TNK2: variants seen among roughly 807,000 people sequenced by gnomAD.
TNK2 encodes activated CDC42 kinase 1.
TNK2 carries 83 observed loss-of-function variants against 101.8 expected under a neutral mutation model. The ratio of observed to expected loss-of-function variants is 0.82; its 90% CI spans 0.68 to 0.98. The LOEUF (loss-of-function observed/expected upper bound fraction) is 0.98, where lower values mean the gene tolerates loss of function less well. TNK2 is among the 50% of genes least tolerant of loss of function. The pLI is 0.00. For synonymous variants in TNK2, 804 were observed against 633.0 expected, an observed-to-expected ratio of 1.27 and a Z score of -4.06; for missense variants, 1,665 against 1,483.2, an observed-to-expected ratio of 1.12 and a Z score of -2.01.
In TNK2 at chr3:195,885,896, G is replaced by A. The variant is rs1755391939; in HGVS notation, c.235-863C>T. 1 of 268,950 alleles carries A rather than the reference G, an allele frequency of 3.7e-6. No individual in the cohort carries two copies. Among genetic ancestry groups the A allele is most frequent in the Non-Finnish European group, 7.4e-6 (1 of 134,298 alleles). The allele number at this position is 268,950 out of a possible 1,614,324, so 16.7% of individuals were successfully genotyped here. ...AGCTGGTGGATCCTTATCCGTCTGG[G>A]CTAGGGTGCCTCAAATCTGAGGGCC... is the stretch of plus-strand genomic sequence containing the variant. On this transcript the variant is annotated intron_variant, in intron 3 of 15. Transcript: ENST00000672887. The surrounding 1 kb of genome is among the most constrained non-coding windows in gnomAD (Gnocchi z 4.7).
intron 1 of TNK2, among the ~76,000 whole-genome samples, chr3:195,907,414 T>C (rs1761846003): frequency 6.6e-6 from 1 of 152,132 alleles, no homozygotes; most frequent in Non-Finnish European, 1.5e-5. Context: ...GGGACAGGGG[T>C]CTGGGTCCAT....
At chr3:195,881,521 C>T (rs1359840446) in intron 6 of TNK2, among the ~76,000 whole-genome samples, 5 of 82,462 alleles carry the variant, frequency 6.1e-5, no homozygotes, top group South Asian at 1.1e-3. Flanking sequence ...GACACGGCAT[C>T]TATCCCTGTA....
Position 195,895,569 on chromosome 3 carries a change from G to A in TNK2, c.-18-6963C>T, listed in dbSNP as rs1760250698. ...GCTCCGTTCCTCCTCTCCGGGGCGC[G>A]GCTCCCACCCTCTCCCAGTGAGCCA... On this transcript the variant is annotated intron_variant, in intron 1 of 15. Coordinates refer to ENST00000672887, the MANE Select transcript of TNK2 (RefSeq NM_001382273.1). 27 of 1,322,526 alleles carry A rather than the reference G, an allele frequency of 2.0e-5. No individual in the cohort carries two copies. In the South Asian group the frequency reaches 3.6e-4, roughly 18 times the overall value. 81.9% of individuals were successfully genotyped at this position (1,322,526 alleles called of 1,614,324 possible). A position where few individuals can be genotyped will look rare whatever the true frequency, so the allele number is the denominator to read the frequency against.
intron 9 of TNK2, among the ~76,000 whole-genome samples, chr3:195,873,694 G>A (rs1464078341): frequency 6.6e-6 from 1 of 152,206 alleles, no homozygotes; most frequent in Non-Finnish European, 1.5e-5. Context: ...GACGGAGGAG[G>A]TGGCGACGCC....
At position 195,885,229 on chromosome 3, in the gene TNK2, G is replaced by T; in HGVS notation, c.235-196C>A. On this transcript the variant is annotated intron_variant, in intron 3 of 15. Coordinates refer to ENST00000672887, the MANE Select transcript of TNK2 (RefSeq NM_001382273.1). This position sits in a 1 kb window ranked among gnomAD's most constrained non-coding sequence, Gnocchi z 4.7. ...GCACACCCCCAAACATGAACCCAAA[G>T]CCTGATGCTGGCCTCAAGGAGGGTG... 1 of 1,022,870 alleles carries T rather than the reference G, an allele frequency of 9.8e-7. No individual in the cohort carries two copies. Among genetic ancestry groups the T allele is most frequent in the Non-Finnish European group, 1.4e-6 (1 of 721,984 alleles). The allele number at this position is 1,022,870 out of a possible 1,614,324, so 63.4% of individuals were successfully genotyped here. A position where few individuals can be genotyped will look rare whatever the true frequency, so the allele number is the denominator to read the frequency against.
chr3:195,887,496 T>C (rs146405223), intron 2 of TNK2, among the ~76,000 whole-genome samples: 75 of 152,370 alleles, frequency 4.9e-4, no homozygotes, highest in Admixed American at 2.5e-3. Context: ...TATTACCTAT[T>C]TAGCTATTTT....
Position 195,864,050 on chromosome 3 carries a change from C to T in TNK2, c.*131G>A. On this transcript the variant is annotated 3_prime_UTR_variant, in exon 16 of 16. Transcript: ENST00000672887. ...GCTCCCAGCCTCCCGCAGCCTTGGC[C>T]TTGCTCCATCCCCGGGAGCAGCAGG... The T allele has an allele frequency of 7.7e-7, 1 of 1,299,368 alleles. No homozygotes were observed. The highest frequency in any genetic ancestry group is 1.1e-6 in the Non-Finnish European group (1 of 912,724). The allele number at this position is 1,299,368 out of a possible 1,614,324, so 80.5% of individuals were successfully genotyped here. A position where few individuals can be genotyped will look rare whatever the true frequency, so the allele number is the denominator to read the frequency against.
intron 15 of TNK2, 125 bp downstream of exon 15, chr3:195,866,764 A>G (rs1184283575): frequency 7.2e-7 from 1 of 1,381,458 alleles, no homozygotes; most frequent in Non-Finnish European, 9.7e-7. Flanking sequence ...TCCCTCCCGC[A>G]GCTGGAGAGC....
rs1286095275 is a variant in TNK2, at chr3:195,869,552, G to C, written c.1544-11C>G. On this transcript the variant is annotated splice_polypyrimidine_tract_variant and intron_variant, in intron 11 of 15. Coordinates refer to ENST00000672887, the MANE Select transcript of TNK2 (RefSeq NM_001382273.1). The stretch of plus-strand genomic sequence containing the variant: ...GAGGTGGAGGCTCCCCTGCAAGAAA[G>C]GCCATGCGGACAGGGGGAGAGAGAC... 23 of 1,551,162 alleles carry C rather than the reference G, an allele frequency of 1.5e-5. No homozygotes were observed. Among genetic ancestry groups the C allele is most frequent in the Non-Finnish European group, 1.9e-5 (22 of 1,146,962 alleles).
intron 10 of TNK2, among the ~76,000 whole-genome samples, chr3:195,872,000 G>A (rs1056106416): frequency 1.5e-5 from 2 of 131,728 alleles, no homozygotes; most frequent in African/African-American, 3.1e-5. Context: ...ACCCTCCCCT[G>A]GAGAACATTC....
intron 9 of TNK2, among the ~76,000 whole-genome samples, chr3:195,875,702 G>A (rs891785773): frequency 2.0e-5 from 3 of 152,312 alleles, no homozygotes; most frequent in African/African-American, 7.2e-5. Flanking sequence ...GTGGCCATGG[G>A]AGGGCCAGGG....
intron 1 of TNK2, among the ~76,000 whole-genome samples, chr3:195,907,016 G>T (rs1296870123): frequency 6.6e-6 from 1 of 152,092 alleles, no homozygotes; most frequent in African/African-American, 2.4e-5. Flanking sequence ...GTTGCCCAAG[G>T]AAGTTACACA....
At chr3:195,903,610 A>G (rs1761449351) in intron 1 of TNK2, among the ~76,000 whole-genome samples, 1 of 152,046 alleles carries the variant, frequency 6.6e-6, no homozygotes, top group South Asian at 2.1e-4. Flanking sequence ...CCAGCTGCTC[A>G]GGAGGCTGAG....
chr3:195,902,865 T>C (rs1761357318), intron 1 of TNK2, among the ~76,000 whole-genome samples: 1 of 151,720 alleles, frequency 6.6e-6, no homozygotes. Context: ...TTCTTGTGCC[T>C]CGGCCTCCCA....
At chr3:195,889,457 C>T (rs892428128) in intron 1 of TNK2, among the ~76,000 whole-genome samples, 5 of 152,122 alleles carry the variant, frequency 3.3e-5, no homozygotes, top group African/African-American at 1.2e-4. Flanking sequence ...CACAGCCACC[C>T]GGCTCCCCAG....
chr3:195,863,990 G>A lies in TNK2; in HGVS notation c.*191C>T, dbSNP rs960026659. The A allele has an allele frequency of 8.9e-6, 6 of 673,068 alleles. No individual in the cohort carries two copies. Among genetic ancestry groups the A allele is most frequent in the Admixed American group, 8.2e-5 (3 of 36,732 alleles). 41.7% of individuals were successfully genotyped at this position (673,068 alleles called of 1,614,324 possible). ...CCGGGACTGAACCAAAGTGTGCAGG[G>A]ACAGCGCTGGTGCAGGAGGGATGGG... On this transcript the variant is annotated 3_prime_UTR_variant, in exon 16 of 16. Transcript: ENST00000672887.
chr3:195,872,358 G>T lies in TNK2; in HGVS notation c.1369C>A (p.Pro457Thr). 1.2e-6 allele frequency: 2 copies of T among 1,613,414 alleles called. No individual in the cohort carries two copies. The highest frequency in any genetic ancestry group is 8.5e-7 in the Non-Finnish European group (1 of 1,179,920). The stretch of plus-strand genomic sequence containing the variant: ...GTGTGGATGAAGCTGTTCTGCAGGG[G>T]CTGGCTGATGTCCTGGGCCGACAGG... ...AGLSAQDISQ[P>T]LQNSFIHTGH... Residue 457 changes from proline (P) to threonine (T), a missense_variant, in exon 10 of 16, where the codon CCC becomes ACC. Pro to Thr is a conservative substitution (Grantham distance 38, BLOSUM62 -1). Transcript: ENST00000672887.
intron 1 of TNK2, among the ~76,000 whole-genome samples, chr3:195,892,258 C>T (rs536440553): frequency 5.3e-4 from 81 of 152,316 alleles, no homozygotes; most frequent in African/African-American, 1.9e-3. Context: ...ATGCAGCAGC[C>T]GCAGGAGAGG....
Position 195,885,102 on chromosome 3 carries a change from C to G in TNK2, c.235-69G>C. ...GGGTCAGTCACTCAGTCCCACCCCG[C>G]TGGGTCCACCTGGTGATCCCCGGCT... On this transcript the variant is annotated intron_variant, in intron 3 of 15. Transcript: ENST00000672887. This position sits in a 1 kb window ranked among gnomAD's most constrained non-coding sequence, Gnocchi z 4.7. 2 of 1,425,826 alleles carry G rather than the reference C, an allele frequency of 1.4e-6. No homozygotes were observed. The highest frequency in any genetic ancestry group is 2.9e-5 in the African/African-American group (2 of 69,820). 88.3% of individuals were successfully genotyped at this position (1,425,826 alleles called of 1,614,324 possible).
Sources: gnomAD v4.1 joint callset for allele counts (sites outside exome capture counted in the v4.1 genomes callset) on GRCh38, gnomAD v4.1.1 for gene constraint, Gnocchi (gnomAD v3.1) non-coding constraint, MANE v1.5 for transcripts, NCBI Gene and HGNC (gene_info 2026-07-23, HGNC 2026-07-21) for gene names.